EXO1: variants seen among roughly 807,000 people sequenced by gnomAD.
The protein encoded by EXO1 is exonuclease 1.
EXO1 carries 69 observed loss-of-function variants against 84.5 expected under a neutral mutation model. The ratio of observed to expected loss-of-function variants is 0.82; its 90% CI spans 0.67 to 1.00. The LOEUF (loss-of-function observed/expected upper bound fraction) is 1.00. EXO1 is among the 50% of genes least tolerant of loss of function. EXO1 has a pLI of 0.00. For synonymous variants in EXO1, 373 were observed against 366.1 expected, an observed-to-expected ratio of 1.02 and a Z score of -0.21; for missense variants, 1,045 against 1,000.7, an observed-to-expected ratio of 1.04 and a Z score of -0.60.
intron 4 of EXO1, 113 bp downstream of exon 4, chr1:241,850,699 G>A: frequency 2.3e-6 from 2 of 851,814 alleles, no homozygotes; most frequent in Non-Finnish European, 3.9e-6. Flanking sequence ...TTATCAGGAA[G>A]TAAAAGTTGT....
chr1:241,871,993 G>A (rs1297809706), intron 11 of EXO1, 39 bp from the exon 12 acceptor site: 8 of 1,582,130 alleles, frequency 5.1e-6, no homozygotes, highest in African/African-American at 1.4e-5. Flanking sequence ...CTAAGTACAG[G>A]TGAAACAAAG....
chr1:241,881,844 A>G, intron 13 of EXO1, 72 bp from the exon 14 acceptor site: 1 of 732,746 alleles, frequency 1.4e-6, no homozygotes, highest in South Asian at 1.7e-5. Context: ...TTTGTTGAAT[A>G]TTAGTTTGTT....
intron 15 of EXO1, among the ~76,000 whole-genome samples, chr1:241,887,486 A>C (rs1208584223): frequency 6.6e-6 from 1 of 152,232 alleles, no homozygotes; most frequent in East Asian, 1.9e-4. Flanking sequence ...CAATCAACAA[A>C]GCCTTTAATA....
chr1:241,888,251 T>A (rs973959887), intron 15 of EXO1, among the ~76,000 whole-genome samples: 8 of 151,298 alleles, frequency 5.3e-5, no homozygotes, highest in African/African-American at 1.2e-4. Flanking sequence ...CAAAAAAATT[T>A]AAAAAAAAAT....
chr1:241,872,392 A>G (rs956239039), intron 12 of EXO1, 114 bp downstream of exon 12: 35 of 1,209,852 alleles, frequency 2.9e-5, no homozygotes, highest in Non-Finnish European at 4.2e-5. Flanking sequence ...TCTGGGGTAC[A>G]TGTGCAGAAC....
intron 5 of EXO1, among the ~76,000 whole-genome samples, chr1:241,852,901 C>T (rs1660748749): frequency 1.3e-5 from 2 of 152,098 alleles, no homozygotes; most frequent in Admixed American, 1.3e-4. Flanking sequence ...AAGTGATCTG[C>T]CCGCCTCAGC....
At chr1:241,885,710 TA>T in intron 15 of EXO1, 2 of 541,938 alleles carry the variant, frequency 3.7e-6, no homozygotes, top group Non-Finnish European at 3.3e-6. Context: ...GATGGCAAAC[TA>T]AAAACCAGTT....
intron 7 of EXO1, among the ~76,000 whole-genome samples, chr1:241,857,999 C>T (rs532713915): frequency 1.3e-5 from 2 of 152,090 alleles, no homozygotes; most frequent in African/African-American, 4.8e-5. Context: ...TTTGTTAATG[C>T]CTATATTTAT....
chr1:241,862,441 T>G (rs186865263), intron 10 of EXO1, among the ~76,000 whole-genome samples: 254 of 152,338 alleles, frequency 1.7e-3, no homozygotes, highest in Non-Finnish European at 2.7e-3. Context: ...CTCTCGCCTG[T>G]GCACCAACCA....
intron 11 of EXO1, among the ~76,000 whole-genome samples, chr1:241,870,386 A>C (rs532456516): frequency 2.6e-5 from 4 of 152,200 alleles, no homozygotes; most frequent in Admixed American, 2.0e-4. Context: ...CTTCCAGGCT[A>C]TTATGTTCCT....
At chr1:241,851,620 ATAG>A in intron 4 of EXO1, among the ~76,000 whole-genome samples, 1 of 152,336 alleles carries the variant, frequency 6.6e-6, no homozygotes, top group East Asian at 1.9e-4. Flanking sequence ...TTTGGAAAAA[ATAG>A]TAGCAGTGGT....
At chr1:241,856,529 T>G (rs2488471) in intron 6 of EXO1, among the ~76,000 whole-genome samples, 6 of 151,842 alleles carry the variant, frequency 4.0e-5, no homozygotes, top group African/African-American at 7.3e-5. Context: ...TGTGTGTATA[T>G]GTATACACAC....
chr1:241,861,369 T>G (rs1661371538), intron 9 of EXO1, 37 bp from the exon 10 acceptor site: 2 of 1,030,192 alleles, frequency 1.9e-6, no homozygotes, highest in Non-Finnish European at 3.1e-6. Context: ...TGGTTGGTTG[T>G]TAATAAATAC....
Position 241,853,351 on chromosome 1 carries a change from C to G in EXO1, c.282-7C>G, listed in dbSNP as rs369994389. ...TTTTATATTTAAAAAATGTTCTTCCCTTGCAGAAGACGACAAGCCAATCTT... is the reference window on the plus strand; with the variant it reads ...TTTTATATTTAAAAAATGTTCTTCCGTTGCAGAAGACGACAAGCCAATCTT... On this transcript the variant is annotated splice_polypyrimidine_tract_variant and splice_region_variant and intron_variant, in intron 5 of 15. Coordinates refer to ENST00000366548, the MANE Select transcript of EXO1 (RefSeq NM_130398.4). The G allele has an allele frequency of 5.3e-5, 86 of 1,613,552 alleles. No homozygotes were observed. Among genetic ancestry groups the G allele is most frequent in the Non-Finnish European group, 7.1e-5 (84 of 1,179,664 alleles).
intron 14 of EXO1, 103 bp downstream of exon 14, chr1:241,882,120 T>C (rs1662805605): frequency 9.2e-6 from 6 of 654,132 alleles, no homozygotes; most frequent in Non-Finnish European, 1.4e-5. Flanking sequence ...ATACCTGTAG[T>C]CTCATTTATA....
In EXO1 at chr1:241,879,184, T is replaced by G; in HGVS notation, c.1950T>G (p.Asp650Glu). The change falls in exon 13 of 16, where the codon GAT becomes GAG. Residue 650 changes from aspartate to glutamate, a missense_variant. Asp to Glu is a conservative substitution (Grantham distance 45, BLOSUM62 2). Coordinates refer to ENST00000366548, the MANE Select transcript of EXO1 (RefSeq NM_130398.4). ...PTSLPENNMS[D>E]VSQLKSEESS... ...CTTTGCCTGAGAATAATATGTCTGA[T>G]GTGTCGCAGTTAAAGAGCGAGGAGT... 2.5e-6 allele frequency: 4 copies of G among 1,605,478 alleles called. No individual in the cohort carries two copies. Among genetic ancestry groups the G allele is most frequent in the Non-Finnish European group, 3.4e-6 (4 of 1,173,042 alleles).
At chr1:241,885,627 A>C (rs1342202698) in intron 15 of EXO1, 120 bp downstream of exon 15, 1 of 792,766 alleles carries the variant, frequency 1.3e-6, no homozygotes, top group Non-Finnish European at 2.2e-6. Context: ...CTATAAAATA[A>C]TTATTTTTCT....
At chr1:241,888,059 T>C (rs1274209197) in intron 15 of EXO1, among the ~76,000 whole-genome samples, 3 of 152,180 alleles carry the variant, frequency 2.0e-5, no homozygotes, top group Non-Finnish European at 4.4e-5. Flanking sequence ...CTTTCCATTT[T>C]GTCACAGAAT....
chr1:241,865,066 C>T (rs1327326687), intron 10 of EXO1, among the ~76,000 whole-genome samples: 1 of 150,194 alleles, frequency 6.7e-6, no homozygotes, highest in Non-Finnish European at 1.5e-5. Context: ...GGGGGGGTCT[C>T]ACTATGTTGC....
Sources: gnomAD v4.1 joint callset for allele counts (sites outside exome capture counted in the v4.1 genomes callset) on GRCh38, gnomAD v4.1.1 for gene constraint, MANE v1.5 for transcripts, NCBI Gene and HGNC (gene_info 2026-07-23, HGNC 2026-07-21) for gene names.